Variants in IGF1R observed in about 807,000 individuals in gnomAD.
IGF1R encodes insulin like growth factor 1 receptor.
IGF1R carries 44 observed loss-of-function variants against 144.6 expected under a neutral mutation model. The ratio of observed to expected loss-of-function variants is 0.30; its 90% CI spans 0.24 to 0.39. The LOEUF is 0.39. Among genes scored for constraint, IGF1R ranks in the 10% least tolerant of loss-of-function variants. The probability of loss-of-function intolerance (pLI) is 1.00; values close to 1 mark genes in which losing one functional copy is unlikely to be tolerated. For missense variants in IGF1R, 1,355 were observed against 1,833.7 expected, an observed-to-expected ratio of 0.74 and a Z score of 4.77; for synonymous variants, 795 against 722.8, an observed-to-expected ratio of 1.10 and a Z score of -1.60.
intron 1 of IGF1R, chr15:98,660,689 T>G (rs72767939): frequency 6.6e-6 from 1 of 152,364 alleles, no homozygotes; most frequent in Non-Finnish European, 1.5e-5. Context: ...ATTAGGCTTT[T>G]TGCACATTGA....
At chr15:98,892,770 C>T (rs1292958546) in intron 3 of IGF1R, among the ~76,000 whole-genome samples, 3 of 152,110 alleles carry the variant, frequency 2.0e-5, no homozygotes, top group African/African-American at 4.8e-5. Flanking sequence ...AATCCCAACA[C>T]TTTGGGAGGC....
chr15:98,879,473 T>G (rs969688648), intron 2 of IGF1R, among the ~76,000 whole-genome samples: 4 of 152,208 alleles, frequency 2.6e-5, no homozygotes, highest in African/African-American at 9.6e-5. Flanking sequence ...TTCTCCATCA[T>G]TAGAGCACGT....
intron 2 of IGF1R, among the ~76,000 whole-genome samples, chr15:98,854,848 G>A (rs895726235): frequency 2.0e-5 from 3 of 152,082 alleles, no homozygotes; most frequent in Non-Finnish European, 4.4e-5. Flanking sequence ...TCCTGCATGA[G>A]GCAGTACGAG....
intron 1 of IGF1R, among the ~76,000 whole-genome samples, chr15:98,681,702 G>A (rs1319650209): frequency 6.6e-6 from 1 of 152,154 alleles, no homozygotes; most frequent in Non-Finnish European, 1.5e-5. Flanking sequence ...AAACTCAGTG[G>A]AATTTTACCC....
intron 1 of IGF1R, among the ~76,000 whole-genome samples, chr15:98,675,207 TCA>T (rs1475122958): frequency 6.6e-6 from 1 of 152,144 alleles, no homozygotes; most frequent in African/African-American, 2.4e-5. Flanking sequence ...CAGGCTGGTC[TCA>T]AACTCCTGAC....
At position 98,958,198 on chromosome 15, in the gene IGF1R, C is replaced by T. The variant is rs1255962784; in HGVS notation, c.*756C>T. The T allele has an allele frequency of 4.3e-6, 1 of 232,818 alleles. No individual in the cohort carries two copies. The allele number at this position is 232,818 out of a possible 1,614,324, so 14.4% of individuals were successfully genotyped here. Reference sequence around the variant, plus strand: ...CTCAAGGCCACAGGCACACAGGTCTCATTGCTTCTGACTAGATTATTATTT... The same window carrying T: ...CTCAAGGCCACAGGCACACAGGTCTTATTGCTTCTGACTAGATTATTATTT... On this transcript the variant is annotated 3_prime_UTR_variant, in exon 21 of 21. Transcript: ENST00000650285.
chr15:98,682,009 G>A (rs555131470), intron 1 of IGF1R, among the ~76,000 whole-genome samples: 8 of 152,162 alleles, frequency 5.3e-5, no homozygotes, highest in African/African-American at 1.7e-4. Context: ...GGTGGAGAGC[G>A]ATTAGGAAGG....
intron 2 of IGF1R, among the ~76,000 whole-genome samples, chr15:98,829,535 G>A (rs929615013): frequency 1.3e-5 from 2 of 152,150 alleles, no homozygotes; most frequent in Non-Finnish European, 2.9e-5. Flanking sequence ...CGGGTCTGTG[G>A]GGGATGATGT....
intron 5 of IGF1R, among the ~76,000 whole-genome samples, chr15:98,902,054 G>A (rs1283360489): frequency 6.6e-6 from 1 of 152,088 alleles, no homozygotes; most frequent in African/African-American, 2.4e-5. Flanking sequence ...TGTGCTTTTG[G>A]TTTAAGCCAA....
chr15:98,793,880 C>T (rs1287602033), intron 2 of IGF1R, among the ~76,000 whole-genome samples: 3 of 152,218 alleles, frequency 2.0e-5, no homozygotes, highest in Non-Finnish European at 4.4e-5. Context: ...TTCTGAAATA[C>T]CTGTGTTCGT....
intron 2 of IGF1R, among the ~76,000 whole-genome samples, chr15:98,777,335 T>C (rs184046928): frequency 1.5e-3 from 229 of 152,346 alleles, no homozygotes; most frequent in Non-Finnish European, 2.7e-3. Flanking sequence ...AAGGTTAAAG[T>C]TGAGACGCTG....
At chr15:98,684,437 T>C (rs1567074473) in intron 1 of IGF1R, among the ~76,000 whole-genome samples, 1 of 151,902 alleles carries the variant, frequency 6.6e-6, no homozygotes, top group Non-Finnish European at 1.5e-5. Context: ...TGAATATAAA[T>C]GATACCTAGA....
intron 1 of IGF1R, among the ~76,000 whole-genome samples, chr15:98,663,226 C>A (rs570978244): frequency 1.3e-5 from 2 of 151,862 alleles, no homozygotes; most frequent in African/African-American, 2.4e-5. Flanking sequence ...GGTGGTTTGT[C>A]GAGAGAGCAG....
chr15:98,660,922 C>G (rs529328482), intron 1 of IGF1R, among the ~76,000 whole-genome samples: 1 of 152,176 alleles, frequency 6.6e-6, no homozygotes, highest in Non-Finnish European at 1.5e-5. Flanking sequence ...ACTCGGCTGC[C>G]TGGTGGTCTC....
intron 2 of IGF1R, among the ~76,000 whole-genome samples, chr15:98,862,315 G>A (rs997455536): frequency 7.2e-5 from 11 of 152,174 alleles, no homozygotes; most frequent in Admixed American, 2.0e-4. Flanking sequence ...CAGGAGAGTC[G>A]CACATAATTT....
intron 2 of IGF1R, among the ~76,000 whole-genome samples, chr15:98,720,299 C>T (rs538565159): frequency 1.3e-5 from 2 of 152,174 alleles, no homozygotes; most frequent in Non-Finnish European, 2.9e-5. Flanking sequence ...CACTTAAGCA[C>T]CATTGTCTAT....
chr15:98,713,583 G>A (rs566642385), intron 2 of IGF1R, among the ~76,000 whole-genome samples: 22 of 152,308 alleles, frequency 1.4e-4, no homozygotes, highest in South Asian at 6.2e-4. Context: ...AGCTTGGCAC[G>A]TGAAGCCATT....
At chr15:98,783,072 G>A (rs1453727579) in intron 2 of IGF1R, among the ~76,000 whole-genome samples, 2 of 152,156 alleles carry the variant, frequency 1.3e-5, no homozygotes, top group Admixed American at 6.5e-5. Flanking sequence ...GCTGCTGGAG[G>A]ATGGCAAGTT....
intron 10 of IGF1R, 108 bp downstream of exon 10, chr15:98,916,984 T>C (rs1567197527): frequency 2.2e-6 from 2 of 922,726 alleles, no homozygotes; most frequent in Non-Finnish European, 3.5e-6. Context: ...GGGGGTACAA[T>C]ACAGTAGCCA....
Sources: gnomAD v4.1 joint callset for allele counts (sites outside exome capture counted in the v4.1 genomes callset) on GRCh38, gnomAD v4.1.1 for gene constraint, MANE v1.5 for transcripts, NCBI Gene and HGNC (gene_info 2026-07-23, HGNC 2026-07-21) for gene names.